Variants in CTNNA3 observed in about 807,000 individuals in gnomAD.
The protein encoded by CTNNA3 is catenin alpha 3.
A neutral mutation model predicts 95.7 loss-of-function variants in CTNNA3; 76 were observed. The ratio of observed to expected loss-of-function variants is 0.79; its 90% CI spans 0.66 to 0.96. The LOEUF (loss-of-function observed/expected upper bound fraction) is 0.96, where lower values mean the gene tolerates loss of function less well. CTNNA3 is among the 40% of genes least tolerant of loss of function. The pLI is 0.00. For missense variants in CTNNA3, 1,191 were observed against 1,089.8 expected, an observed-to-expected ratio of 1.09 and a Z score of -1.31; for synonymous variants, 431 against 374.4, an observed-to-expected ratio of 1.15 and a Z score of -1.74.
At chr10:66,271,088 C>A (rs1205871899) in intron 13 of CTNNA3, among the ~76,000 whole-genome samples, 3 of 152,024 alleles carry the variant, frequency 2.0e-5, no homozygotes, top group Admixed American at 1.3e-4. Context: ...TGCCTGAAGA[C>A]CCTGAATCTC....
intron 15 of CTNNA3, among the ~76,000 whole-genome samples, chr10:66,026,433 G>A (rs1353986456): frequency 6.6e-6 from 1 of 152,078 alleles, no homozygotes; most frequent in East Asian, 1.9e-4. Context: ...GCACAGAAAA[G>A]GGAAGATATA....
Position 67,278,570 on chromosome 10 carries a change from T to G in CTNNA3, c.580-58700A>C, listed in dbSNP as rs533546390. ...AGATAAAGGATTGTGGAGACCAAGT[T>G]TTATTGTGCAGAGGACTCTCTCAGA... is the stretch of plus-strand genomic sequence containing the variant. On this transcript the variant is annotated intron_variant, in intron 5 of 17. Transcript: ENST00000433211. Among the ~76,000 whole-genome samples, 3 of 152,226 alleles carry G rather than the reference T, an allele frequency of 2.0e-5. No individual in the cohort carries two copies. The South Asian group carries it at 6.2e-4, about 32-fold the overall frequency.
chr10:65,946,290 T>C (rs1252410265), intron 17 of CTNNA3, among the ~76,000 whole-genome samples: 1 of 152,166 alleles, frequency 6.6e-6, no homozygotes, highest in African/African-American at 2.4e-5. Context: ...ATATATAGTT[T>C]ACAAATGTAA....
chr10:66,166,937 G>A lies in CTNNA3; in HGVS notation c.1885-63688C>T, dbSNP rs1388983212. Among the ~76,000 whole-genome samples the A allele has an allele frequency of 2.6e-5, 4 of 152,112 alleles. No homozygotes were observed. In the South Asian group the frequency reaches 8.3e-4, roughly 32 times the overall value. On this transcript the variant is annotated intron_variant, in intron 13 of 17. Coordinates refer to ENST00000433211, the MANE Select transcript of CTNNA3 (RefSeq NM_013266.4). ...AAGCTTGAGTTTGGTGGGAGGAGTG[G>A]AGCTTTGGAGATACAATGGGAGGTT... is the stretch of plus-strand genomic sequence containing the variant.
chr10:66,789,090 T>C (rs573747354), intron 7 of CTNNA3, among the ~76,000 whole-genome samples: 193 of 152,338 alleles, frequency 1.3e-3, no homozygotes, highest in Non-Finnish European at 2.3e-3. Flanking sequence ...TACAAGTACA[T>C]GAACAAATAT....
chr10:66,726,456 A>G (rs561193291), intron 9 of CTNNA3, among the ~76,000 whole-genome samples: 35 of 152,234 alleles, frequency 2.3e-4, no homozygotes, highest in African/African-American at 5.8e-4. Flanking sequence ...TCCTATAACA[A>G]TTGAGATGGT....
intron 13 of CTNNA3, among the ~76,000 whole-genome samples, chr10:66,113,927 A>G (rs2082213492): frequency 1.3e-5 from 2 of 151,828 alleles, no homozygotes; most frequent in Non-Finnish European, 1.5e-5. Flanking sequence ...TTCTTGATCT[A>G]TGGGGGGAGG....
At chr10:66,323,020 G>C (rs1429910736) in intron 12 of CTNNA3, among the ~76,000 whole-genome samples, 1 of 151,840 alleles carries the variant, frequency 6.6e-6, no homozygotes, top group Non-Finnish European at 1.5e-5. Context: ...AATGAGCCCA[G>C]ACCTGAACAA....
At chr10:66,331,955 GT>G (rs1440261470) in intron 12 of CTNNA3, among the ~76,000 whole-genome samples, 4 of 151,948 alleles carry the variant, frequency 2.6e-5, no homozygotes, top group African/African-American at 9.7e-5. Context: ...TCTTCCATTT[GT>G]TTGTATCGTC....
At chr10:67,422,440 G>A (rs1315025439) in intron 5 of CTNNA3, among the ~76,000 whole-genome samples, 2 of 152,096 alleles carry the variant, frequency 1.3e-5, no homozygotes, top group Non-Finnish European at 2.9e-5. Context: ...ATGTGTATGG[G>A]TAAACAAGAG....
intron 4 of CTNNA3, among the ~76,000 whole-genome samples, chr10:67,526,370 C>A (rs1396297578): frequency 9.3e-6 from 1 of 107,994 alleles, no homozygotes; most frequent in African/African-American, 3.6e-5. Context: ...TTTTTTTTTG[C>A]TGTAAGGAAT....
intron 9 of CTNNA3, among the ~76,000 whole-genome samples, chr10:66,657,688 TATTA>T (rs928492766): frequency 3.1e-4 from 47 of 152,194 alleles, no homozygotes; most frequent in African/African-American, 9.9e-4. Flanking sequence ...ATTTTTATTT[TATTA>T]ATTGAGAATA....
At chr10:66,142,082 A>G (rs1835306398) in intron 13 of CTNNA3, among the ~76,000 whole-genome samples, 1 of 152,160 alleles carries the variant, frequency 6.6e-6, no homozygotes, top group Non-Finnish European at 1.5e-5. Flanking sequence ...CGTCTTTGCC[A>G]AAGCTGTTTA....
intron 9 of CTNNA3, among the ~76,000 whole-genome samples, chr10:66,703,985 A>C (rs749183407): frequency 1.3e-5 from 2 of 152,146 alleles, no homozygotes; most frequent in African/African-American, 2.4e-5. Flanking sequence ...TTCTGCAGCC[A>C]GCCTGTTGAG....
In CTNNA3 at chr10:67,068,380, A is replaced by G. The variant is rs1275137560; in HGVS notation, c.1047+111937T>C. Among the ~76,000 whole-genome samples, 3 of 152,198 alleles carry G rather than the reference A, an allele frequency of 2.0e-5. No homozygotes were observed. In the East Asian group the frequency reaches 5.8e-4, roughly 29 times the overall value. On this transcript the variant is annotated intron_variant, in intron 7 of 17. Transcript: ENST00000433211. ...GGGAAAGGTAGGAATTCAGTCTTGC[A>G]TGTGTTACGTTGGGGGACATTCGAT...
In CTNNA3 at chr10:67,477,005, G is replaced by A. The variant is rs554780783; in HGVS notation, c.579+44837C>T. On this transcript the variant is annotated intron_variant, in intron 5 of 17. Transcript: ENST00000433211. ...TAGGGCCCTCTCTGTCCCATGCCCA[G>A]CGATACCTCCAGGCAGTCAGAGCAC... Among the ~76,000 whole-genome samples, 6 of 151,324 alleles carry A rather than the reference G, an allele frequency of 4.0e-5. No homozygotes were observed. In the South Asian group the frequency reaches 1.3e-3, roughly 32 times the overall value.
chr10:66,410,804 T>C (rs1325628853), intron 11 of CTNNA3, among the ~76,000 whole-genome samples: 3 of 152,324 alleles, frequency 2.0e-5, no homozygotes, highest in East Asian at 3.9e-4. Context: ...GTGTTTGGAA[T>C]GCGTGCTGTG....
intron 5 of CTNNA3, among the ~76,000 whole-genome samples, chr10:67,296,370 C>T (rs1388310654): frequency 2.0e-5 from 3 of 151,986 alleles, no homozygotes; most frequent in African/African-American, 7.3e-5. Flanking sequence ...ACAGTAAACC[C>T]AGTAAATTCT....
intron 12 of CTNNA3, among the ~76,000 whole-genome samples, chr10:66,367,870 TAATAATA>T (rs1564903093): frequency 2.6e-3 from 86 of 33,334 alleles, no homozygotes; most frequent in South Asian, 0.017. Flanking sequence ...ATAATAATAA[TAATAATA>T]ATAATTATTA....
Sources: allele counts gnomAD v4.1 joint callset (sites outside exome capture counted in the v4.1 genomes callset), GRCh38; gene constraint gnomAD v4.1.1; transcripts MANE v1.5; gene names NCBI Gene and HGNC (gene_info 2026-07-23, HGNC 2026-07-21).